SLC9A9: variants seen among roughly 807,000 people sequenced by gnomAD.
SLC9A9 encodes sodium/hydrogen exchanger 9.
SLC9A9 carries 62 observed loss-of-function variants against 77.8 expected under a neutral mutation model. That is an observed-to-expected ratio of 0.80 (90% CI 0.65 to 0.98). SLC9A9 has a LOEUF of 0.98. Among genes scored for constraint, SLC9A9 ranks in the 50% least tolerant of loss-of-function variants. The pLI, the probability that SLC9A9 is intolerant of heterozygous loss-of-function variation, is 0.00. For missense variants in SLC9A9, 775 were observed against 774.9 expected, an observed-to-expected ratio of 1.00 and a Z score of 0.00; for synonymous variants, 320 against 283.5, an observed-to-expected ratio of 1.13 and a Z score of -1.29.
At chr3:143,685,812 A>G (rs1379482293) in intron 5 of SLC9A9, among the ~76,000 whole-genome samples, 2 of 152,150 alleles carry the variant, frequency 1.3e-5, no homozygotes, top group African/African-American at 4.8e-5. Flanking sequence ...CACGATTATA[A>G]CTGCTTCTTG....
chr3:143,446,778 G>A (rs1576502055), intron 12 of SLC9A9, among the ~76,000 whole-genome samples: 1 of 152,288 alleles, frequency 6.6e-6, no homozygotes, highest in Non-Finnish European at 1.5e-5. Context: ...AGAGATGACT[G>A]ACTCTTAGTG....
At chr3:143,821,527 G>A (rs2009166448) in intron 2 of SLC9A9, among the ~76,000 whole-genome samples, 1 of 152,188 alleles carries the variant, frequency 6.6e-6, no homozygotes, top group Non-Finnish European at 1.5e-5. Context: ...CAATTGTCAA[G>A]TAGGAAAGGA....
chr3:143,646,171 T>G (rs1036246824), intron 6 of SLC9A9, among the ~76,000 whole-genome samples: 1 of 151,814 alleles, frequency 6.6e-6, no homozygotes, highest in African/African-American at 2.4e-5. Context: ...GGTAAATATA[T>G]GCAAGCCAAA....
In SLC9A9 at chr3:143,363,486, G is replaced by A. The variant is rs761279505; in HGVS notation, c.1602C>T (p.His534=). The A allele has an allele frequency of 1.9e-6, 3 of 1,612,542 alleles. No homozygotes were observed. The highest frequency in any genetic ancestry group is 1.3e-5 in the African/African-American group (1 of 74,956). Reference sequence around the variant, plus strand: ...AGATCGTTATTATCAAAGGATACTTGTGGTCAAAGCTATACCACATTCTGA... The same window carrying A: ...AGATCGTTATTATCAAAGGATACTTATGGTCAAAGCTATACCACATTCTGA... ...RLFRMWYSFD[H]KYLKPILTHS... Residue 534 remains histidine (H), a splice_region_variant and synonymous_variant, in exon 14 of 16, where the codon CAC becomes CAT. Transcript: ENST00000316549.
chr3:143,483,843 C>T (rs1351120739), intron 11 of SLC9A9, among the ~76,000 whole-genome samples: 3 of 152,054 alleles, frequency 2.0e-5, no homozygotes, highest in Admixed American at 6.6e-5. Flanking sequence ...ATCTTTGAAC[C>T]CCTGAGGTGT....
intron 14 of SLC9A9, among the ~76,000 whole-genome samples, chr3:143,292,142 G>C (rs926093385): frequency 1.3e-5 from 2 of 152,222 alleles, no homozygotes; most frequent in African/African-American, 4.8e-5. Context: ...TGAGGACACA[G>C]AGCCAGAGGC....
intron 14 of SLC9A9, among the ~76,000 whole-genome samples, chr3:143,323,030 G>T (rs2031470359): frequency 6.6e-6 from 1 of 152,172 alleles, no homozygotes; most frequent in South Asian, 2.1e-4. Context: ...ACTACAATGA[G>T]ATATCTTGTT....
In SLC9A9 at chr3:143,673,836, CAT is replaced by C. The variant is rs147416604; in HGVS notation, c.649+19354_649+19355del. 1.2e-3 allele frequency among the ~76,000 whole-genome samples: 177 copies of C among 152,038 alleles called. 1 individual carries two copies. The highest frequency in any genetic ancestry group is 4.1e-3 in the African/African-American group (169 of 41,512). On this transcript the variant is annotated intron_variant, in intron 5 of 15. Transcript: ENST00000316549. ...GCTATTACAAAAAGCAGAAATTCCACATGAGGATAAATATAATTTTATTAATT... is the reference window on the plus strand; with the variant it reads ...GCTATTACAAAAAGCAGAAATTCCACGAGGATAAATATAATTTTATTAATT...
intron 4 of SLC9A9, among the ~76,000 whole-genome samples, chr3:143,761,403 G>T (rs1029156132): frequency 9.9e-5 from 15 of 152,030 alleles, no homozygotes; most frequent in African/African-American, 3.6e-4. Flanking sequence ...GAGTGAACAG[G>T]CAACCTACAG....
intron 2 of SLC9A9, among the ~76,000 whole-genome samples, chr3:143,815,546 T>TA (rs879891528): frequency 1.3e-5 from 2 of 151,226 alleles, no homozygotes; most frequent in African/African-American, 2.4e-5. Flanking sequence ...TTTGCTATTT[T>TA]AAAAAAAAAA....
chr3:143,544,069 G>T (rs532719787), intron 9 of SLC9A9, among the ~76,000 whole-genome samples: 83 of 152,124 alleles, frequency 5.5e-4, no homozygotes, highest in African/African-American at 1.9e-3. Flanking sequence ...CATTCTGACT[G>T]GTGTAAGATA....
At chr3:143,639,827 A>T (rs1180531264) in intron 6 of SLC9A9, among the ~76,000 whole-genome samples, 2 of 152,102 alleles carry the variant, frequency 1.3e-5, no homozygotes, top group African/African-American at 4.8e-5. Context: ...GCCTATGGGA[A>T]AGGCTGCTTT....
chr3:143,537,476 C>G (rs1173095106), intron 9 of SLC9A9, among the ~76,000 whole-genome samples: 1 of 152,242 alleles, frequency 6.6e-6, no homozygotes, highest in Non-Finnish European at 1.5e-5. Flanking sequence ...TGCCACCTGC[C>G]ACCTGCAATT....
rs910173331 is a variant in SLC9A9 at position 143,786,003 on chromosome 3, C to T, written c.533+8998G>A. On this transcript the variant is annotated intron_variant, in intron 4 of 15. Coordinates refer to ENST00000316549, the MANE Select transcript of SLC9A9 (RefSeq NM_173653.4). ...TCCCATGTAGCTGGGACTACAGGCA[C>T]GCGCCACCATGCCCGGCTAATTTTT... 2.6e-4 allele frequency among the ~76,000 whole-genome samples: 39 copies of T among 151,462 alleles called. 1 individual carries two copies. The highest frequency in any genetic ancestry group is 1.3e-4 in the Admixed American group (2 of 15,226).
chr3:143,310,448 C>A (rs1441180456), intron 14 of SLC9A9, among the ~76,000 whole-genome samples: 1 of 151,440 alleles, frequency 6.6e-6, no homozygotes, highest in Non-Finnish European at 1.5e-5. Context: ...TGGTGTCAGA[C>A]CAACATGAGA....
intron 9 of SLC9A9, among the ~76,000 whole-genome samples, chr3:143,498,917 A>G (rs1318384233): frequency 2.0e-5 from 3 of 152,218 alleles, no homozygotes; most frequent in East Asian, 1.9e-4. Flanking sequence ...AATGTATTAC[A>G]AGGTACTTAT....
At chr3:143,640,212 G>A (rs1447747755) in intron 6 of SLC9A9, among the ~76,000 whole-genome samples, 2 of 151,858 alleles carry the variant, frequency 1.3e-5, no homozygotes, top group African/African-American at 4.8e-5. Context: ...TAGTAGAGAC[G>A]CAGTTTCACT....
chr3:143,611,543 A>C (rs2038021735), intron 6 of SLC9A9, among the ~76,000 whole-genome samples: 1 of 152,260 alleles, frequency 6.6e-6, no homozygotes. Context: ...TAAATCACAA[A>C]TGCAGTGATA....
chr3:143,541,648 AG>A (rs2036692105), intron 9 of SLC9A9, among the ~76,000 whole-genome samples: 1 of 152,220 alleles, frequency 6.6e-6, no homozygotes, highest in South Asian at 2.1e-4. Flanking sequence ...ACCCATGTCC[AG>A]GTTGACCCTG....
Sources: gnomAD v4.1 joint callset for allele counts (sites outside exome capture counted in the v4.1 genomes callset) on GRCh38, gnomAD v4.1.1 for gene constraint, MANE v1.5 for transcripts, NCBI Gene and HGNC (gene_info 2026-07-23, HGNC 2026-07-21) for gene names.